DPY19L3: variants seen among roughly 807,000 people sequenced by gnomAD.
DPY19L3 encodes the protein protein C-mannosyl-transferase DPY19L3.
Under a neutral mutation model 92.3 loss-of-function variants are expected in DPY19L3, and 51 were observed. The ratio of observed to expected loss-of-function variants is 0.55; its 90% CI spans 0.44 to 0.70. DPY19L3 has a LOEUF of 0.70. Ranked by LOEUF, DPY19L3 falls within the 30% of genes least tolerant of loss-of-function variation. The pLI is 0.00. For missense variants in DPY19L3, 706 were observed against 855.9 expected (o/e 0.82, Z 2.18); for synonymous variants, 309 against 315.2 (o/e 0.98, Z 0.21).
chr19:32,483,303 A>G lies in DPY19L3; in HGVS notation c.*1063A>G, dbSNP rs1970723760. 1 of 152,586 alleles carries G rather than the reference A, an allele frequency of 6.6e-6. No individual in the cohort carries two copies. Among genetic ancestry groups the G allele is most frequent in the Admixed American group, 6.5e-5 (1 of 15,276 alleles). The allele number at this position is 152,586 out of a possible 1,614,324, so 9.5% of individuals were successfully genotyped here. Reference sequence around the variant, plus strand: ...CCCTGGTAGTGTAATTCTTTTCCTTATTAAAAGGTAACCAAGTGCCTCTAA... The same window carrying G: ...CCCTGGTAGTGTAATTCTTTTCCTTGTTAAAAGGTAACCAAGTGCCTCTAA... On this transcript the variant is annotated 3_prime_UTR_variant, in exon 19 of 19. Transcript: ENST00000392250.
chr19:32,411,705 C>CTATA lies in DPY19L3; in HGVS notation c.237+334_237+337dup, dbSNP rs1568321971. 1.3e-5 allele frequency: 4 copies of CTATA among 307,592 alleles called. No homozygotes were observed. In the Admixed American group the frequency reaches 1.9e-4, roughly 15 times the overall value. The allele number at this position is 307,592 out of a possible 1,614,324, so 19.1% of individuals were successfully genotyped here. A position where few individuals can be genotyped will look rare whatever the true frequency, so the allele number is the denominator to read the frequency against. On this transcript the variant is annotated intron_variant, in intron 3 of 18. Transcript: ENST00000392250. The stretch of plus-strand genomic sequence containing the variant: ...GGCTTAGCCTCCCAAGTAGCTGGGA[C>CTATA]TATAGGTGCGTGCCACCACACCCAG...
chr19:32,426,462 G>C (rs140662882), intron 3 of DPY19L3, among the ~76,000 whole-genome samples: 1 of 152,100 alleles, frequency 6.6e-6, no homozygotes, highest in African/African-American at 2.4e-5. Context: ...CTCAACTTTC[G>C]ACATGCTTTC....
intron 10 of DPY19L3, among the ~76,000 whole-genome samples, chr19:32,455,500 T>C (rs1466523309): frequency 1.3e-5 from 2 of 152,226 alleles, no homozygotes; most frequent in Admixed American, 1.3e-4. Flanking sequence ...ATAATTTCTC[T>C]AAATTTAAAA....
chr19:32,441,188 A>G (rs746335981), intron 8 of DPY19L3, among the ~76,000 whole-genome samples: 1 of 152,164 alleles, frequency 6.6e-6, no homozygotes, highest in Non-Finnish European at 1.5e-5. Context: ...TGCCATGTTC[A>G]TTTTAGTTGT....
At chr19:32,434,219 C>T (rs1369841909) in intron 4 of DPY19L3, among the ~76,000 whole-genome samples, 4 of 152,178 alleles carry the variant, frequency 2.6e-5, no homozygotes, top group Non-Finnish European at 5.9e-5. Flanking sequence ...AATACTTTAG[C>T]CTCTGGCATG....
chr19:32,471,479 G>A (rs781379817), intron 16 of DPY19L3, among the ~76,000 whole-genome samples: 4 of 152,190 alleles, frequency 2.6e-5, no homozygotes, highest in Admixed American at 6.5e-5. Flanking sequence ...GTGGCCTGTG[G>A]AAACCCTGGG....
chr19:32,417,347 T>G (rs1968412341), intron 3 of DPY19L3, among the ~76,000 whole-genome samples: 2 of 152,124 alleles, frequency 1.3e-5, no homozygotes, highest in South Asian at 4.2e-4. Flanking sequence ...TGAGACGGAG[T>G]CTCGCTCTGT....
intron 1 of DPY19L3, among the ~76,000 whole-genome samples, chr19:32,406,557 C>A (rs1398927266): frequency 6.6e-6 from 1 of 151,928 alleles, no homozygotes; most frequent in Non-Finnish European, 1.5e-5. Context: ...TCGCTCTGTT[C>A]CCCAGGCTGG....
chr19:32,474,636 G>A (rs1487253282), intron 16 of DPY19L3, among the ~76,000 whole-genome samples: 5 of 152,192 alleles, frequency 3.3e-5, no homozygotes, highest in Non-Finnish European at 7.3e-5. Flanking sequence ...TGTTGCCCAG[G>A]CTGGAGTGCA....
intron 8 of DPY19L3, among the ~76,000 whole-genome samples, chr19:32,447,814 G>GATAT (rs1969559286): frequency 9.3e-6 from 1 of 108,018 alleles, no homozygotes; most frequent in Non-Finnish European, 1.7e-5. Flanking sequence ...TAGATAGATA[G>GATAT]ATTAGATAGA....
In DPY19L3 at chr19:32,430,867, A is replaced by G. The variant is rs1263401523; in HGVS notation, c.238-1849A>G. ...GGTCTTGAACTCCTGAGCTCAAGCA[A>G]TCCACCCACTTCAGCCTCCCAAAGT... On this transcript the variant is annotated intron_variant, in intron 3 of 18. Transcript: ENST00000392250. Among the ~76,000 whole-genome samples the G allele has an allele frequency of 4.0e-5, 6 of 150,882 alleles. No individual in the cohort carries two copies. The East Asian group carries it at 5.9e-4, about 15-fold the overall frequency.
At chr19:32,424,690 C>T (rs1435325839) in intron 3 of DPY19L3, among the ~76,000 whole-genome samples, 1 of 152,134 alleles carries the variant, frequency 6.6e-6, no homozygotes, top group Admixed American at 6.6e-5. Context: ...CATGATCCCT[C>T]TCAGAATCCC....
intron 12 of DPY19L3, 126 bp downstream of exon 12, chr19:32,458,635 T>TA: frequency 5.1e-6 from 5 of 988,490 alleles, no homozygotes; most frequent in Non-Finnish European, 7.5e-6. Flanking sequence ...AGGGGGAACA[T>TA]ACCTCGTTTA....
intron 3 of DPY19L3, chr19:32,412,385 T>C (rs1968216547): frequency 6.6e-6 from 1 of 150,548 alleles, no homozygotes; most frequent in African/African-American, 2.4e-5. Flanking sequence ...TATATATATA[T>C]ATATGCACAA....
chr19:32,452,332 G>A (rs1969728375), intron 8 of DPY19L3, among the ~76,000 whole-genome samples: 1 of 152,220 alleles, frequency 6.6e-6, no homozygotes. Context: ...CTATGAAGCT[G>A]TGAGGTCAAA....
chr19:32,480,169 G>A (rs1303881339), intron 17 of DPY19L3, among the ~76,000 whole-genome samples: 1 of 152,174 alleles, frequency 6.6e-6, no homozygotes, highest in African/African-American at 2.4e-5. Context: ...GAATCCAGAT[G>A]TGTTCTTCCT....
intron 3 of DPY19L3, 25 bp downstream of exon 3, chr19:32,411,397 A>G (rs1968176153): frequency 1.2e-6 from 2 of 1,613,288 alleles, no homozygotes; most frequent in East Asian, 2.2e-5. Context: ...TGACCATTGT[A>G]TCATTCACTC....
intron 3 of DPY19L3, among the ~76,000 whole-genome samples, chr19:32,419,163 CTTT>C (rs1277893362): frequency 1.5e-5 from 2 of 136,462 alleles, no homozygotes; most frequent in Non-Finnish European, 1.6e-5. Flanking sequence ...TTATTTGTAC[CTTT>C]TTTTTTTTTT....
rs756135143 is a variant in DPY19L3, at chr19:32,458,482, C to T, written c.1295C>T (p.Ala432Val). 5 of 1,611,884 alleles carry T rather than the reference C, an allele frequency of 3.1e-6. No homozygotes were observed. The highest frequency in any genetic ancestry group is 4.2e-6 in the Non-Finnish European group (5 of 1,179,606). ...GTTCTGTCCATCACAGTGATTGTAGCATTCGTTGTTGCCTTTCATAATCTC... is the reference window on the plus strand; with the variant it reads ...GTTCTGTCCATCACAGTGATTGTAGTATTCGTTGTTGCCTTTCATAATCTC... ...IFVLSITVIV[A>V]FVVAFHNLSD... Residue 432 changes from alanine (A) to valine (V), a missense_variant, in exon 12 of 19, where the codon GCA becomes GTA. Physicochemically the swap from Ala to Val is moderately conservative, Grantham distance 64 (BLOSUM62 0). Coordinates refer to ENST00000392250, the MANE Select transcript of DPY19L3 (RefSeq NM_001172774.2).
Sources: gnomAD v4.1 joint callset for allele counts (sites outside exome capture counted in the v4.1 genomes callset) on GRCh38, gnomAD v4.1.1 for gene constraint, MANE v1.5 for transcripts, NCBI Gene and HGNC (gene_info 2026-07-23, HGNC 2026-07-21) for gene names.